PARN: variants seen among roughly 807,000 people sequenced by gnomAD.
PARN encodes the protein poly(A)-specific ribonuclease.
PARN carries 71 observed loss-of-function variants against 102.8 expected under a neutral mutation model. The observed-to-expected ratio is 0.69, with a 90% CI of 0.57 to 0.84. The LOEUF (loss-of-function observed/expected upper bound fraction) is 0.84. Ranked by LOEUF, PARN falls within the 40% of genes least tolerant of loss-of-function variation. The pLI, the probability that PARN is intolerant of heterozygous loss-of-function variation, is 0.00. For missense variants in PARN, 782 were observed against 760.9 expected, an observed-to-expected ratio of 1.03 and a Z score of -0.33; for synonymous variants, 261 against 252.9, an observed-to-expected ratio of 1.03 and a Z score of -0.30.
In PARN at chr16:14,554,146, G is replaced by C. The variant is rs760085398; in HGVS notation, c.1324C>G (p.Pro442Ala). 1 of 1,610,132 alleles carries C rather than the reference G, an allele frequency of 6.2e-7. No homozygotes were observed. Among genetic ancestry groups the C allele is most frequent in the Non-Finnish European group, 8.5e-7 (1 of 1,177,252 alleles). ...ACATGGAGAACATGATCACGTTTAG[G>C]CTGCACTACAAGACAAATTTATGAT... ...YLNLEGPDLQ[P>A]KRDHVLHVTF... Residue 442 changes from proline to alanine, a missense_variant, in exon 20 of 24, where the codon CCT (proline) becomes GCT (alanine). Transcript: ENST00000437198.
intron 21 of PARN, among the ~76,000 whole-genome samples, chr16:14,507,290 C>G (rs1964947629): frequency 6.6e-6 from 1 of 151,150 alleles, no homozygotes; most frequent in African/African-American, 2.4e-5. Flanking sequence ...GGTGCCACTG[C>G]ACTCCAGCAT....
intron 23 of PARN, among the ~76,000 whole-genome samples, chr16:14,446,328 C>T (rs1961197246): frequency 6.6e-6 from 1 of 152,216 alleles, no homozygotes. Flanking sequence ...TCTGCTTCAT[C>T]AAATAAGGAT....
chr16:14,567,362 G>A (rs1465165419), intron 18 of PARN, among the ~76,000 whole-genome samples: 1 of 152,144 alleles, frequency 6.6e-6, no homozygotes, highest in Admixed American at 6.5e-5. Flanking sequence ...CAATCCAGAA[G>A]AGGTTGAAAA....
rs746408996 is a variant in PARN, at chr16:14,627,351, T to C, written c.178-15A>G. On this transcript the variant is annotated splice_polypyrimidine_tract_variant and intron_variant, in intron 3 of 23. Transcript: ENST00000437198. ...TCCATGGAATGCTGGAAAAGGGAAATAAAACATCTGTCACAAAAGTGCTGC... is the reference window on the plus strand; with the variant it reads ...TCCATGGAATGCTGGAAAAGGGAAACAAAACATCTGTCACAAAAGTGCTGC... 1.9e-6 allele frequency: 3 copies of C among 1,568,388 alleles called. No homozygotes were observed. The highest frequency in any genetic ancestry group is 1.4e-5 in the African/African-American group (1 of 73,960).
chr16:14,598,489 C>T (rs1312322520), intron 12 of PARN, among the ~76,000 whole-genome samples: 1 of 152,134 alleles, frequency 6.6e-6, no homozygotes, highest in Non-Finnish European at 1.5e-5. Flanking sequence ...TTTTAGGGCC[C>T]GCCTCAATCA....
At chr16:14,522,342 A>G (rs574312324) in intron 21 of PARN, among the ~76,000 whole-genome samples, 6 of 152,280 alleles carry the variant, frequency 3.9e-5, no homozygotes, top group African/African-American at 1.4e-4. Flanking sequence ...GATAATTAGA[A>G]CTTTTTTTCC....
intron 21 of PARN, among the ~76,000 whole-genome samples, chr16:14,486,584 GC>G (rs1158910118): frequency 6.6e-6 from 1 of 152,206 alleles, no homozygotes; most frequent in Admixed American, 6.5e-5. Context: ...ATTTATCTGA[GC>G]ACATTTGGAA....
rs576773915 is a variant in PARN, at chr16:14,609,361, TTC to T, written c.555-240_555-239del. Among the ~76,000 whole-genome samples, 156 of 152,130 alleles carry T rather than the reference TTC, an allele frequency of 1.0e-3. 1 individual carries two copies. Among genetic ancestry groups the T allele is most frequent in the African/African-American group, 3.4e-3 (143 of 41,530 alleles). On this transcript the variant is annotated intron_variant, in intron 7 of 23. Coordinates refer to ENST00000437198, the MANE Select transcript of PARN (RefSeq NM_002582.4). ...TGGGTGGATCACTTGAGCCCAGGAG[TTC>T]GCGACCAGCCTGGGCAATATACTGA... is the stretch of plus-strand genomic sequence containing the variant.
At chr16:14,601,634 T>TG (rs1970872197) in intron 11 of PARN, among the ~76,000 whole-genome samples, 7 of 152,050 alleles carry the variant, frequency 4.6e-5, no homozygotes, top group Non-Finnish European at 1.0e-4. Flanking sequence ...TAAAATTTTT[T>TG]TGGGGGGGTC....
intron 21 of PARN, among the ~76,000 whole-genome samples, chr16:14,504,282 C>T (rs991833659): frequency 6.6e-6 from 1 of 152,032 alleles, no homozygotes; most frequent in Non-Finnish European, 1.5e-5. Flanking sequence ...TGAGGGAGGC[C>T]GGCACGGTGG....
At chr16:14,601,443 G>A (rs1970858912) in intron 11 of PARN, among the ~76,000 whole-genome samples, 1 of 152,070 alleles carries the variant, frequency 6.6e-6, no homozygotes, top group Non-Finnish European at 1.5e-5. Flanking sequence ...CAGGGGCTGG[G>A]TGTCAGGGGT....
At chr16:14,629,453 G>T (rs1167608775) in intron 2 of PARN, 144 bp downstream of exon 2, 40 of 646,820 alleles carry the variant, frequency 6.2e-5, no homozygotes, top group Non-Finnish European at 1.0e-4. Context: ...CGTTTAAAGG[G>T]TAACACTGAG....
intron 18 of PARN, among the ~76,000 whole-genome samples, chr16:14,566,747 G>A (rs1344666150): frequency 6.6e-6 from 1 of 152,178 alleles, no homozygotes; most frequent in African/African-American, 2.4e-5. Flanking sequence ...AGAGAGAAAT[G>A]TACTTTAAAG....
intron 9 of PARN, 36 bp downstream of exon 9, chr16:14,608,245 C>T: frequency 2.8e-6 from 4 of 1,437,150 alleles, no homozygotes; most frequent in Non-Finnish European, 1.9e-6. Context: ...ATCCTGGGTC[C>T]CCCACAGAGC....
chr16:14,578,190 G>A (rs1200554963), intron 18 of PARN, among the ~76,000 whole-genome samples: 4 of 149,772 alleles, frequency 2.7e-5, no homozygotes, highest in Non-Finnish European at 4.4e-5. Context: ...TTAGCAGGGC[G>A]TGGTGGTACG....
intron 21 of PARN, among the ~76,000 whole-genome samples, chr16:14,551,759 G>A (rs887781645): frequency 6.6e-6 from 1 of 152,156 alleles, no homozygotes; most frequent in Non-Finnish European, 1.5e-5. Context: ...CAGAAAAAGT[G>A]CAATGAGAAA....
chr16:14,523,086 A>T (rs1249649089), intron 21 of PARN, among the ~76,000 whole-genome samples: 1 of 152,214 alleles, frequency 6.6e-6, no homozygotes, highest in Non-Finnish European at 1.5e-5. Context: ...TTAACAAAAA[A>T]GGAAAACCTT....
In PARN at chr16:14,465,893, C is replaced by T. The variant is rs147940665; in HGVS notation, c.1670+16745G>A. Among the ~76,000 whole-genome samples, 18 of 152,228 alleles carry T rather than the reference C, an allele frequency of 1.2e-4. No individual in the cohort carries two copies. In the East Asian group the frequency reaches 3.5e-3, roughly 29 times the overall value. ...AAGGCCATTATCCTTAGCAAACTCA[C>T]ACAGAAACAGAAAATCAAATACTGC... On this transcript the variant is annotated intron_variant, in intron 22 of 23. Coordinates refer to ENST00000437198, the MANE Select transcript of PARN (RefSeq NM_002582.4).
chr16:14,436,794 A>G (rs762218319), intron 23 of PARN, 22 bp from the exon 24 acceptor site: 1 of 1,556,288 alleles, frequency 6.4e-7, no homozygotes, highest in South Asian at 1.2e-5. Flanking sequence ...GAACAAAACA[A>G]TATGAACAGC....
Sources: gnomAD v4.1 joint callset for allele counts (sites outside exome capture counted in the v4.1 genomes callset) on GRCh38, gnomAD v4.1.1 for gene constraint, MANE v1.5 for transcripts, NCBI Gene and HGNC (gene_info 2026-07-23, HGNC 2026-07-21) for gene names.